The following PPP2R5A variants were observed in gnomAD, a reference collection of about 807,000 sequenced individuals.
The protein encoded by PPP2R5A is serine/threonine-protein phosphatase 2A 56 kDa regulatory subunit alpha isoform.
In PPP2R5A, 25 loss-of-function variants were observed where a neutral mutation model predicts 64.2. The observed-to-expected ratio is 0.39, with a 90% CI of 0.28 to 0.54. The LOEUF (loss-of-function observed/expected upper bound fraction) is 0.54, where lower values mean the gene tolerates loss of function less well. Ranked by LOEUF, PPP2R5A falls within the 20% of genes least tolerant of loss-of-function variation. The probability of loss-of-function intolerance (pLI) is 0.67; values close to 1 mark genes in which losing one functional copy is unlikely to be tolerated. For synonymous variants in PPP2R5A, 198 were observed against 201.2 expected, an observed-to-expected ratio of 0.98 and a Z score of 0.13; for missense variants, 425 against 576.3, an observed-to-expected ratio of 0.74 and a Z score of 2.69.
At chr1:212,288,056 G>A (rs1292961542) in intron 1 of PPP2R5A, among the ~76,000 whole-genome samples, 2 of 152,006 alleles carry the variant, frequency 1.3e-5, no homozygotes, top group Non-Finnish European at 2.9e-5. Context: ...CACTTTCGTT[G>A]CTCAGGCTGG....
rs1659988047 is a variant in PPP2R5A, at chr1:212,356,975, A to G, written c.1004A>G (p.Glu335Gly). 1 of 1,584,674 alleles carries G rather than the reference A, an allele frequency of 6.3e-7. No homozygotes were observed. The highest frequency in any genetic ancestry group is 8.6e-7 in the Non-Finnish European group (1 of 1,166,356). Reference sequence around the variant, plus strand: ...GTGATGTTTTTAGGAGAAATTGAAGAAATCTTAGATGTCATTGAACCAACA... The same window carrying G: ...GTGATGTTTTTAGGAGAAATTGAAGGAATCTTAGATGTCATTGAACCAACA... The part of the protein sequence containing the change: ...KEVMFLGEIE[E>G]ILDVIEPTQF... Residue 335 changes from glutamate to glycine, a missense_variant, in exon 10 of 13, where the codon GAA (glutamate) becomes GGA (glycine). Transcript: ENST00000261461.
intron 1 of PPP2R5A, among the ~76,000 whole-genome samples, chr1:212,305,478 G>C (rs1450376030): frequency 4.6e-5 from 7 of 152,000 alleles, no homozygotes; most frequent in Non-Finnish European, 1.5e-5. Flanking sequence ...ATGTGTGCTT[G>C]AGAATATATA....
chr1:212,291,129 A>C (rs1179033238), intron 1 of PPP2R5A, among the ~76,000 whole-genome samples: 1 of 151,198 alleles, frequency 6.6e-6, no homozygotes, highest in Non-Finnish European at 1.5e-5. Context: ...ATTTTTTTTC[A>C]GACTGAGTCT....
chr1:212,297,034 A>G (rs1010517061), intron 1 of PPP2R5A, among the ~76,000 whole-genome samples: 3 of 151,542 alleles, frequency 2.0e-5, no homozygotes, highest in African/African-American at 7.3e-5. Flanking sequence ...GCAACAGAGA[A>G]ATATTTATAA....
At chr1:212,333,351 T>C (rs1253329507) in intron 2 of PPP2R5A, 146 bp from the exon 3 acceptor site, 3 of 440,040 alleles carry the variant, frequency 6.8e-6, no homozygotes, top group Non-Finnish European at 1.2e-5. Flanking sequence ...ACCTGCTTTC[T>C]TTGTATCTTG....
chr1:212,301,252 C>G (rs879817360), intron 1 of PPP2R5A, among the ~76,000 whole-genome samples: 1 of 152,204 alleles, frequency 6.6e-6, no homozygotes, highest in Non-Finnish European at 1.5e-5. Flanking sequence ...CTCAAGTGAT[C>G]TGCCCACCTT....
At chr1:212,303,953 A>G (rs1473279623) in intron 1 of PPP2R5A, among the ~76,000 whole-genome samples, 1 of 152,170 alleles carries the variant, frequency 6.6e-6, no homozygotes, top group Non-Finnish European at 1.5e-5. Context: ...TTGAAATGGG[A>G]TAGTGTGAAT....
intron 3 of PPP2R5A, among the ~76,000 whole-genome samples, chr1:212,338,053 C>T (rs1292197072): frequency 1.3e-5 from 2 of 152,124 alleles, no homozygotes. Flanking sequence ...TTAAAGTTTG[C>T]TTCTGAGTCT....
At chr1:212,344,665 GT>G (rs946499964) in intron 4 of PPP2R5A, among the ~76,000 whole-genome samples, 3 of 151,770 alleles carry the variant, frequency 2.0e-5, no homozygotes, top group African/African-American at 7.3e-5. Context: ...AAAATACAGT[GT>G]TTTTTTTGAC....
chr1:212,307,383 G>T (rs1658938337), intron 1 of PPP2R5A, among the ~76,000 whole-genome samples: 1 of 150,946 alleles, frequency 6.6e-6, no homozygotes, highest in Non-Finnish European at 1.5e-5. Context: ...ATATGCCTCT[G>T]TTTCCTTTCC....
chr1:212,322,241 AGAGGAGGGAGAGGGAGAGGGAGAG>A (rs1659316865), intron 1 of PPP2R5A, among the ~76,000 whole-genome samples: 1 of 71,262 alleles, frequency 1.4e-5, no homozygotes, highest in South Asian at 4.9e-4. Flanking sequence ...AGGGAGAGGG[AGAGGAGGGAGAGGGAGAGGGAGAG>A]GAGGGAGAGG....
chr1:212,353,249 CCTTA>C (rs903782867), intron 8 of PPP2R5A, among the ~76,000 whole-genome samples: 37 of 152,354 alleles, frequency 2.4e-4, no homozygotes, highest in African/African-American at 8.4e-4. Flanking sequence ...CAGCATGGCA[CCTTA>C]CTTCATCAAA....
At chr1:212,359,020 GA>G (rs1056249898) in intron 12 of PPP2R5A, among the ~76,000 whole-genome samples, 1 of 152,124 alleles carries the variant, frequency 6.6e-6, no homozygotes, top group Non-Finnish European at 1.5e-5. Context: ...ATTTATTTTT[GA>G]GGGTAGTTAC....
intron 1 of PPP2R5A, among the ~76,000 whole-genome samples, chr1:212,305,137 C>T (rs1053877401): frequency 1.0e-4 from 15 of 148,720 alleles, no homozygotes; most frequent in Non-Finnish European, 1.9e-4. Context: ...CCCGGGTTCA[C>T]GCCATTCTCC....
At chr1:212,309,355 C>T (rs1403231101) in intron 1 of PPP2R5A, 54 of 1,525,408 alleles carry the variant, frequency 3.5e-5, no homozygotes, top group East Asian at 4.5e-5. Context: ...GGGCTGCCTC[C>T]GGAGTCGCAG....
chr1:212,348,665 T>C (rs148308893), intron 7 of PPP2R5A, among the ~76,000 whole-genome samples, 168 bp downstream of exon 7: 1,818 of 152,320 alleles, frequency 0.012, 27 homozygotes, highest in Non-Finnish European at 0.015. Context: ...AGTTGTTAAG[T>C]AAGACCAATT....
chr1:212,352,764 A>C (rs187481866), intron 8 of PPP2R5A: 51 of 518,254 alleles, frequency 9.8e-5, no homozygotes, highest in African/African-American at 6.7e-4. Flanking sequence ...TTCATTTTCA[A>C]TTACGCATAT....
chr1:212,308,798 A>C (rs967884078), intron 1 of PPP2R5A, among the ~76,000 whole-genome samples: 2 of 152,066 alleles, frequency 1.3e-5, no homozygotes, highest in Non-Finnish European at 2.9e-5. Context: ...TTCAGATTGC[A>C]TAATTTCTGT....
chr1:212,358,607 C>T, intron 11 of PPP2R5A, 79 bp from the exon 12 acceptor site: 1 of 1,035,000 alleles, frequency 9.7e-7, no homozygotes, highest in Non-Finnish European at 1.4e-6. Flanking sequence ...CAAGCTTTAA[C>T]CCATTTTAGA....
Sources: allele counts gnomAD v4.1 joint callset (sites outside exome capture counted in the v4.1 genomes callset), GRCh38; gene constraint gnomAD v4.1.1; transcripts MANE v1.5; gene names NCBI Gene and HGNC (gene_info 2026-07-23, HGNC 2026-07-21).